PLEKHA3: variants seen among roughly 807,000 people sequenced by gnomAD.
PLEKHA3 encodes the protein pleckstrin homology domain-containing family A member 3.
PLEKHA3 carries 19 observed loss-of-function variants against 39.2 expected under a neutral mutation model. That is an observed-to-expected ratio of 0.48 (90% CI 0.34 to 0.71). The LOEUF (loss-of-function observed/expected upper bound fraction) is 0.71, where lower values mean the gene tolerates loss of function less well. PLEKHA3 is among the 30% of genes least tolerant of loss of function. The pLI, the probability that PLEKHA3 is intolerant of heterozygous loss-of-function variation, is 0.01. For synonymous variants in PLEKHA3, 97 were observed against 118.6 expected, an observed-to-expected ratio of 0.82 and a Z score of 1.18; for missense variants, 253 against 359.5, an observed-to-expected ratio of 0.70 and a Z score of 2.40.
Position 178,503,755 on chromosome 2 carries a change from C to T in PLEKHA3, c.776-5C>T, listed in dbSNP as rs777944573. 8.2e-6 allele frequency: 13 copies of T among 1,593,168 alleles called. No individual in the cohort carries two copies. Among genetic ancestry groups the T allele is most frequent in the Non-Finnish European group, 1.0e-5 (12 of 1,166,654 alleles). Reference sequence around the variant, plus strand: ...TGTTTAACGTTTTTATCAATGTCTTCATAGGACCTGTTCACTGTTCAAAAA... The same window carrying T: ...TGTTTAACGTTTTTATCAATGTCTTTATAGGACCTGTTCACTGTTCAAAAA... On this transcript the variant is annotated splice_polypyrimidine_tract_variant and splice_region_variant and intron_variant, in intron 7 of 7. Transcript: ENST00000234453.
chr2:178,503,483 T>TA (rs1258067713), intron 7 of PLEKHA3, among the ~76,000 whole-genome samples: 3 of 151,980 alleles, frequency 2.0e-5, no homozygotes, highest in Non-Finnish European at 4.4e-5. Context: ...GACTACCTAT[T>TA]ATGTGCCAAC....
intron 5 of PLEKHA3, among the ~76,000 whole-genome samples, chr2:178,497,624 A>G (rs1003611647): frequency 6.6e-6 from 1 of 152,204 alleles, no homozygotes; most frequent in Non-Finnish European, 1.5e-5. Context: ...ACAATTGTAG[A>G]TATGCTATAA....
At chr2:178,503,480 T>C (rs1340360508) in intron 7 of PLEKHA3, among the ~76,000 whole-genome samples, 1 of 151,968 alleles carries the variant, frequency 6.6e-6, no homozygotes, top group African/African-American at 2.4e-5. Context: ...ATTGACTACC[T>C]ATTATGTGCC....
At chr2:178,503,506 A>C (rs1198362114) in intron 7 of PLEKHA3, among the ~76,000 whole-genome samples, 1 of 151,982 alleles carries the variant, frequency 6.6e-6, no homozygotes, top group East Asian at 1.9e-4. Context: ...TGATTCTAGC[A>C]GTGAACAAAA....
Position 178,485,642 on chromosome 2 carries a change from C to T in PLEKHA3, c.42C>T (p.Gly14=). 1 of 1,604,776 alleles carries T rather than the reference C, an allele frequency of 6.2e-7. No individual in the cohort carries two copies. The highest frequency in any genetic ancestry group is 8.5e-7 in the Non-Finnish European group (1 of 1,172,562). ...TTTTGTTATTTATGGTCTTTTTAGG[C>T]TGGCAGCCTCGTTGGTTTGTTTTAG... ...VLYKWTNYLT[G]WQPRWFVLDN... is the part of the protein sequence containing the mutation. Residue 14 remains glycine (G), a splice_region_variant and synonymous_variant, in exon 2 of 8, where the codon GGC becomes GGT. Coordinates refer to ENST00000234453, the MANE Select transcript of PLEKHA3 (RefSeq NM_019091.4).
chr2:178,487,270 A>G (rs1685265077), intron 2 of PLEKHA3, among the ~76,000 whole-genome samples: 1 of 152,206 alleles, frequency 6.6e-6, no homozygotes, highest in South Asian at 2.1e-4. Flanking sequence ...GGGTGATGAA[A>G]TATGGTGTTA....
At chr2:178,494,754 C>T (rs2154127815) in intron 4 of PLEKHA3, among the ~76,000 whole-genome samples, 1 of 152,220 alleles carries the variant, frequency 6.6e-6, no homozygotes, top group East Asian at 1.9e-4. Flanking sequence ...GAGTTTTTCT[C>T]CTAATGCCCC....
intron 1 of PLEKHA3, among the ~76,000 whole-genome samples, chr2:178,483,384 T>C (rs1391383994): frequency 6.6e-6 from 1 of 152,206 alleles, no homozygotes; most frequent in Non-Finnish European, 1.5e-5. Context: ...TGTGAATCTT[T>C]TTCACAGATA....
At chr2:178,481,607 C>T (rs1394377077) in intron 1 of PLEKHA3, among the ~76,000 whole-genome samples, 1 of 152,122 alleles carries the variant, frequency 6.6e-6, no homozygotes, top group South Asian at 2.1e-4. Flanking sequence ...GGGCCCCTTA[C>T]CATGACATTG....
rs1456121051 is a variant in PLEKHA3 at position 178,512,442 on chromosome 2, C to T, written c.*8555C>T. The stretch of plus-strand genomic sequence containing the variant: ...AATTCCTTCTTCACTTTTACTCTGG[C>T]AAGGTGGGAGGAGGGTGCTGTTGAT... On this transcript the variant is annotated 3_prime_UTR_variant, in exon 8 of 8. Coordinates refer to ENST00000234453, the MANE Select transcript of PLEKHA3 (RefSeq NM_019091.4). 3 of 152,114 alleles carry T rather than the reference C, an allele frequency of 2.0e-5. No homozygotes were observed. The highest frequency in any genetic ancestry group is 4.8e-5 in the African/African-American group (2 of 41,428). The allele number at this position is 152,114 out of a possible 1,614,324, so 9.4% of individuals were successfully genotyped here. A position where few individuals can be genotyped will look rare whatever the true frequency, so the allele number is the denominator to read the frequency against.
In PLEKHA3 at chr2:178,511,097, A is replaced by T; in HGVS notation, c.*7210A>T. The T allele has an allele frequency of 6.6e-6, 1 of 152,190 alleles. No homozygotes were observed. Among genetic ancestry groups the T allele is most frequent in the Non-Finnish European group, 1.5e-5 (1 of 68,036 alleles). The allele number at this position is 152,190 out of a possible 1,614,324, so 9.4% of individuals were successfully genotyped here. A position where few individuals can be genotyped will look rare whatever the true frequency, so the allele number is the denominator to read the frequency against. On this transcript the variant is annotated 3_prime_UTR_variant, in exon 8 of 8. Transcript: ENST00000234453. Reference sequence around the variant, plus strand: ...GATTCTCTTCTAGAGGGGAAGTGGGAGTAGGTAACCATACTACTCTTTCTA... The same window carrying T: ...GATTCTCTTCTAGAGGGGAAGTGGGTGTAGGTAACCATACTACTCTTTCTA...
chr2:178,503,855 T>A lies in PLEKHA3; in HGVS notation c.871T>A (p.Ser291Thr), dbSNP rs1380982966. The A allele has an allele frequency of 6.2e-7, 1 of 1,611,656 alleles. No individual in the cohort carries two copies. The highest frequency in any genetic ancestry group is 1.3e-5 in the African/African-American group (1 of 74,810). The change falls in exon 8 of 8, where the codon TCA becomes ACA. Residue 291 changes from serine to threonine, a missense_variant. Transcript: ENST00000234453. ...SRLMAKKQSE[S>T]EDTLPSFSS is the part of the protein sequence containing the mutation. ...ACTTATGGCCAAAAAACAATCTGAA[T>A]CAGAAGATACTCTTCCATCCTTCTC...
intron 1 of PLEKHA3, among the ~76,000 whole-genome samples, chr2:178,482,463 A>G (rs775213268): frequency 6.6e-6 from 1 of 151,370 alleles, no homozygotes; most frequent in Non-Finnish European, 1.5e-5. Flanking sequence ...TGCTTTAGCT[A>G]GAGAAATGGA....
chr2:178,488,546 A>G (rs951200604), intron 2 of PLEKHA3, among the ~76,000 whole-genome samples: 1 of 152,160 alleles, frequency 6.6e-6, no homozygotes, highest in Non-Finnish European at 1.5e-5. Flanking sequence ...TAGACTGTCT[A>G]TTCTGTTCTG....
In PLEKHA3 at chr2:178,484,048, G is replaced by T. The variant is rs574199593; in HGVS notation, c.41-1593G>T. Among the ~76,000 whole-genome samples, 93 of 152,334 alleles carry T rather than the reference G, an allele frequency of 6.1e-4. 2 individuals are homozygous for T. In the South Asian group the frequency reaches 0.019, roughly 31 times the overall value. The stretch of plus-strand genomic sequence containing the variant: ...GCCATGTTCATGCCACTGCACTTCA[G>T]CCTGGGCAGCAGAGTGAGATCCTGT... On this transcript the variant is annotated intron_variant, in intron 1 of 7. Transcript: ENST00000234453.
At chr2:178,485,253 A>G (rs1685230791) in intron 1 of PLEKHA3, among the ~76,000 whole-genome samples, 4 of 152,158 alleles carry the variant, frequency 2.6e-5, no homozygotes. Flanking sequence ...TAAGGCTAGA[A>G]CCCTTGTCTT....
chr2:178,506,973 T>G lies in PLEKHA3; in HGVS notation c.*3086T>G, dbSNP rs1019718990. 2.0e-5 allele frequency: 3 copies of G among 152,186 alleles called. No homozygotes were observed. Among genetic ancestry groups the G allele is most frequent in the African/African-American group, 4.8e-5 (2 of 41,436 alleles). The allele number at this position is 152,186 out of a possible 1,614,324, so 9.4% of individuals were successfully genotyped here. The stretch of plus-strand genomic sequence containing the variant: ...CTGTTGTTTTTTTTTTAATTTTAGC[T>G]TTCTTTTTATTAAACTAGTTAATGT... On this transcript the variant is annotated 3_prime_UTR_variant, in exon 8 of 8. Transcript: ENST00000234453.
intron 1 of PLEKHA3, among the ~76,000 whole-genome samples, chr2:178,482,358 C>A (rs1223710041): frequency 1.3e-5 from 2 of 151,562 alleles, no homozygotes; most frequent in Non-Finnish European, 2.9e-5. Flanking sequence ...GAGACGTGGT[C>A]TCTACTAAAA....
chr2:178,488,648 T>C (rs1685295303), intron 2 of PLEKHA3, among the ~76,000 whole-genome samples: 1 of 152,260 alleles, frequency 6.6e-6, no homozygotes, highest in South Asian at 2.1e-4. Context: ...TCTTTGTATC[T>C]GATAGCCAAA....
Sources: allele counts gnomAD v4.1 joint callset (sites outside exome capture counted in the v4.1 genomes callset), GRCh38; gene constraint gnomAD v4.1.1; transcripts MANE v1.5; gene names NCBI Gene and HGNC (gene_info 2026-07-23, HGNC 2026-07-21).